The following BNC2 variants were observed in gnomAD, a reference collection of about 807,000 sequenced individuals.
BNC2 encodes basonuclin zinc finger protein 2.
BNC2 carries 20 observed loss-of-function variants against 76.3 expected under a neutral mutation model. The ratio of observed to expected loss-of-function variants is 0.26; its 90% confidence interval spans 0.18 to 0.38. The LOEUF (loss-of-function observed/expected upper bound fraction) is 0.38, where lower values mean the gene tolerates loss of function less well. Among genes scored for constraint, BNC2 ranks in the 10% least tolerant of loss-of-function variants. The pLI, the probability that BNC2 is intolerant of heterozygous loss-of-function variation, is 1.00. For synonymous variants in BNC2, 582 were observed against 514.8 expected, an observed-to-expected ratio of 1.13 and a Z score of -1.77; for missense variants, 1,382 against 1,399.8, an observed-to-expected ratio of 0.99 and a Z score of 0.20.
At chr9:16,567,123 C>A (rs1393271164) in intron 4 of BNC2, among the ~76,000 whole-genome samples, 1 of 152,058 alleles carries the variant, frequency 6.6e-6, no homozygotes, top group Non-Finnish European at 1.5e-5. Flanking sequence ...TTGATAAGAT[C>A]TATAGTTTTC....
At chr9:16,640,780 G>C (rs1312067675) in intron 3 of BNC2, among the ~76,000 whole-genome samples, 1 of 152,096 alleles carries the variant, frequency 6.6e-6, no homozygotes, top group Non-Finnish European at 1.5e-5. Flanking sequence ...GACTAGCTAG[G>C]GAAGAGTCCA....
intron 4 of BNC2, among the ~76,000 whole-genome samples, chr9:16,565,917 AG>A (rs1819153336): frequency 6.6e-6 from 1 of 151,806 alleles, no homozygotes; most frequent in African/African-American, 2.4e-5. Flanking sequence ...CGGGTATTCC[AG>A]GCAAAGCCAA....
intron 5 of BNC2, among the ~76,000 whole-genome samples, chr9:16,500,015 T>C (rs1280601880): frequency 3.9e-5 from 6 of 152,010 alleles, no homozygotes; most frequent in Non-Finnish European, 8.8e-5. Flanking sequence ...CCCCATTTCA[T>C]AGCTGGGAAT....
At chr9:16,561,363 A>G (rs1819009851) in intron 4 of BNC2, among the ~76,000 whole-genome samples, 1 of 152,152 alleles carries the variant, frequency 6.6e-6, no homozygotes, top group Non-Finnish European at 1.5e-5. Context: ...CTTAGAGCCA[A>G]GTGAAGAGAG....
intron 1 of BNC2, among the ~76,000 whole-genome samples, chr9:16,768,577 A>G (rs2135439081): frequency 6.6e-6 from 1 of 152,228 alleles, no homozygotes; most frequent in African/African-American, 2.4e-5. Flanking sequence ...AGGCAAAGAG[A>G]TGAAAGAGAA....
intron 1 of BNC2, among the ~76,000 whole-genome samples, chr9:16,808,478 A>AATT (rs1445917742): frequency 3.8e-5 from 3 of 79,428 alleles, no homozygotes; most frequent in Admixed American, 1.4e-4. Flanking sequence ...ATCTTGGGCA[A>AATT]CTTTTTTTTT....
intron 5 of BNC2, among the ~76,000 whole-genome samples, chr9:16,539,633 GC>G (rs1818242494): frequency 4.0e-4 from 20 of 49,682 alleles, no homozygotes; most frequent in African/African-American, 1.8e-3. Context: ...GAGGGAGGGA[GC>G]GAGGGAGGGA....
chr9:16,451,057 C>T (rs1307570037), intron 5 of BNC2, among the ~76,000 whole-genome samples: 1 of 100,640 alleles, frequency 9.9e-6, no homozygotes, highest in Non-Finnish European at 1.8e-5. Context: ...ATTTCTAAAT[C>T]ATTAACTTTA....
chr9:16,574,311 T>A (rs1369882042), intron 4 of BNC2, among the ~76,000 whole-genome samples: 1 of 152,162 alleles, frequency 6.6e-6, no homozygotes, highest in East Asian at 1.9e-4. Context: ...GCACTTCACA[T>A]GCAAAAAGAC....
intron 5 of BNC2, among the ~76,000 whole-genome samples, chr9:16,501,007 A>G (rs904380773): frequency 6.6e-6 from 1 of 152,186 alleles, no homozygotes; most frequent in African/African-American, 2.4e-5. Flanking sequence ...AGACTGTGTG[A>G]GTTCAAATCC....
At chr9:16,785,868 A>C (rs1266730632) in intron 1 of BNC2, among the ~76,000 whole-genome samples, 1 of 152,034 alleles carries the variant, frequency 6.6e-6, no homozygotes. Flanking sequence ...AACAAATGGC[A>C]ATGTGAACAC....
chr9:16,721,059 G>T (rs1389298637), intron 3 of BNC2, among the ~76,000 whole-genome samples: 1 of 152,144 alleles, frequency 6.6e-6, no homozygotes, highest in South Asian at 2.1e-4. Context: ...TAAACCTGGG[G>T]AGAAAGATGG....
At chr9:16,487,215 C>G (rs1240423616) in intron 5 of BNC2, among the ~76,000 whole-genome samples, 2 of 152,162 alleles carry the variant, frequency 1.3e-5, no homozygotes, top group African/African-American at 4.8e-5. Context: ...AACGTCCTCT[C>G]CTAGCTACAG....
At chr9:16,797,547 G>T (rs887180852) in intron 1 of BNC2, among the ~76,000 whole-genome samples, 1 of 152,040 alleles carries the variant, frequency 6.6e-6, no homozygotes, top group East Asian at 1.9e-4. Flanking sequence ...AACCTCGTTG[G>T]CCTCTTAAGG....
At chr9:16,581,484 G>A (rs1819628528) in intron 4 of BNC2, among the ~76,000 whole-genome samples, 1 of 152,152 alleles carries the variant, frequency 6.6e-6, no homozygotes, top group African/African-American at 2.4e-5. Flanking sequence ...CTTGAACCCG[G>A]GAGTTGGAGG....
intron 1 of BNC2, among the ~76,000 whole-genome samples, chr9:16,743,679 C>T (rs980375222): frequency 6.6e-6 from 1 of 152,172 alleles, no homozygotes; most frequent in African/African-American, 2.4e-5. Flanking sequence ...CTTCAGGAGC[C>T]AGAGGCTGAG....
chr9:16,655,801 G>A (rs747799822), intron 3 of BNC2, among the ~76,000 whole-genome samples: 17 of 152,064 alleles, frequency 1.1e-4, no homozygotes, highest in Non-Finnish European at 1.8e-4. Context: ...TTTCTCATTT[G>A]TCTAGAGCAG....
chr9:16,502,094 G>A lies in BNC2; in HGVS notation c.669+50436C>T, dbSNP rs969617230. 2.7e-4 allele frequency among the ~76,000 whole-genome samples: 41 copies of A among 152,104 alleles called. 1 individual carries two copies. The highest frequency in any genetic ancestry group is 1.8e-3 in the Admixed American group (28 of 15,264). On this transcript the variant is annotated intron_variant, in intron 5 of 6. Transcript: ENST00000380672. ...GGCATGGAAGGAGTGGGGGTCTAGT[G>A]GTTTATGCCTGTAATCCTAGATCTT... is the stretch of plus-strand genomic sequence containing the variant.
At chr9:16,804,246 C>T (rs1455614938) in intron 1 of BNC2, among the ~76,000 whole-genome samples, 5 of 152,178 alleles carry the variant, frequency 3.3e-5, no homozygotes, top group Admixed American at 6.5e-5. Context: ...AATGATTAAA[C>T]ACTCATTATC....
Sources: gnomAD v4.1 joint callset for allele counts (sites outside exome capture counted in the v4.1 genomes callset) on GRCh38, gnomAD v4.1.1 for gene constraint, MANE v1.5 for transcripts, NCBI Gene and HGNC (gene_info 2026-07-23, HGNC 2026-07-21) for gene names.